The following ADIPOR1 variants were observed in gnomAD, a reference collection of about 807,000 sequenced individuals.
ADIPOR1 encodes adiponectin receptor 1.
Under a neutral mutation model 37.5 loss-of-function variants are expected in ADIPOR1, and 15 were observed. The ratio of observed to expected loss-of-function variants is 0.40; its 90% CI spans 0.27 to 0.62. The LOEUF (loss-of-function observed/expected upper bound fraction) is 0.62, where lower values mean the gene tolerates loss of function less well. Among genes scored for constraint, ADIPOR1 ranks in the 20% least tolerant of loss-of-function variants. The probability of loss-of-function intolerance (pLI) is 0.42; values close to 1 mark genes in which losing one functional copy is unlikely to be tolerated. For missense variants in ADIPOR1, 286 were observed against 478.0 expected (o/e 0.60, Z 3.75); for synonymous variants, 173 against 173.2 (o/e 1.00, Z 0.01).
At chr1:202,943,462 C>T (rs774713493) in intron 6 of ADIPOR1, among the ~76,000 whole-genome samples, 1 of 152,160 alleles carries the variant, frequency 6.6e-6, no homozygotes, top group Non-Finnish European at 1.5e-5. Flanking sequence ...ACTAAAATTA[C>T]TGTGCTTGCT....
chr1:202,947,485 G>A (rs1257805758), intron 3 of ADIPOR1, among the ~76,000 whole-genome samples: 1 of 151,890 alleles, frequency 6.6e-6, no homozygotes, highest in African/African-American at 2.4e-5. Flanking sequence ...TCGTGCCACT[G>A]CAGCTGGGAG....
chr1:202,954,991 A>G (rs934182565), intron 1 of ADIPOR1, among the ~76,000 whole-genome samples: 3 of 152,178 alleles, frequency 2.0e-5, no homozygotes, highest in Admixed American at 1.3e-4. Flanking sequence ...GTCCTAAAGC[A>G]AGACCAGTCT....
intron 3 of ADIPOR1, among the ~76,000 whole-genome samples, chr1:202,947,676 C>T (rs979577349): frequency 1.3e-5 from 2 of 152,114 alleles, no homozygotes; most frequent in African/African-American, 4.8e-5. Flanking sequence ...CATGTCTCAT[C>T]CCTCCCCCAA....
chr1:202,942,037 T>A lies in ADIPOR1; in HGVS notation c.987A>T (p.Lys329Asn), dbSNP rs1372979226. ...ARIPERFFPGKFDIWFQSHQI... is the reference protein window; with the variant it reads ...ARIPERFFPGNFDIWFQSHQI... ...ATTCATTTCTTACCCATATGTCAAA[T>A]TTTCCAGGAAAGAAGCGCTCAGGAA... The change falls in exon 7 of 8, where the codon AAA becomes AAT. Residue 329 changes from lysine (K) to asparagine (N), a missense_variant. Lys to Asn is a moderately conservative substitution (Grantham distance 94). Transcript: ENST00000340990. 6.2e-7 allele frequency: 1 copy of A among 1,611,650 alleles called. No individual in the cohort carries two copies. The highest frequency in any genetic ancestry group is 1.7e-5 in the Admixed American group (1 of 59,568).
rs192213644 is a variant in ADIPOR1 at position 202,944,531 on chromosome 1, C to T, written c.617+452G>A. On this transcript the variant is annotated intron_variant, in intron 5 of 7. Coordinates refer to ENST00000340990, the MANE Select transcript of ADIPOR1 (RefSeq NM_015999.6). The stretch of plus-strand genomic sequence containing the variant: ...ACGGCTGGGCAAGAGAGAAAGCACA[C>T]GATGATGGACATCTGGAGCTTCCAG... The T allele has an allele frequency of 1.1e-3, 165 of 154,468 alleles. 2 individuals carry two copies. The highest frequency in any genetic ancestry group is 2.7e-4 in the Non-Finnish European group (19 of 69,420). The allele number at this position is 154,468 out of a possible 1,614,324, so 9.6% of individuals were successfully genotyped here.
At chr1:202,956,065 T>A (rs1300860951) in intron 1 of ADIPOR1, among the ~76,000 whole-genome samples, 1 of 152,226 alleles carries the variant, frequency 6.6e-6, no homozygotes, top group Non-Finnish European at 1.5e-5. Flanking sequence ...CATGAGCCAC[T>A]GTGCCCGGCC....
chr1:202,957,321 C>T (rs558253999), intron 1 of ADIPOR1, among the ~76,000 whole-genome samples: 43 of 152,176 alleles, frequency 2.8e-4, no homozygotes, highest in Non-Finnish European at 5.3e-4. Flanking sequence ...ATTTTCTAGC[C>T]CGTCTTCTGA....
intron 6 of ADIPOR1, among the ~76,000 whole-genome samples, chr1:202,942,829 A>C (rs1469037161): frequency 6.6e-6 from 1 of 151,706 alleles, no homozygotes; most frequent in Non-Finnish European, 1.5e-5. Context: ...GTGCTTGATA[A>C]ATATTTAATT....
At chr1:202,951,304 T>C (rs1027858592) in intron 1 of ADIPOR1, 140 bp from the exon 2 acceptor site, 9 of 516,814 alleles carry the variant, frequency 1.7e-5, no homozygotes, top group Admixed American at 6.9e-5. Flanking sequence ...TTAAATGAAA[T>C]CTATTCCTGT....
At chr1:202,944,883 C>G (rs1228166516) in intron 5 of ADIPOR1, 100 bp downstream of exon 5, 9 of 1,199,506 alleles carry the variant, frequency 7.5e-6, no homozygotes, top group Non-Finnish European at 1.1e-5. Context: ...TATCAAGAAA[C>G]CTTTAGGAGT....
chr1:202,945,942 T>G (rs1654293825), intron 4 of ADIPOR1, among the ~76,000 whole-genome samples: 2 of 151,360 alleles, frequency 1.3e-5, no homozygotes, highest in South Asian at 4.2e-4. Flanking sequence ...ATGGGTGCAT[T>G]AAAATCTCAG....
intron 1 of ADIPOR1, among the ~76,000 whole-genome samples, 199 bp from the exon 2 acceptor site, chr1:202,951,363 G>A (rs748269181): frequency 1.3e-5 from 2 of 152,078 alleles, no homozygotes; most frequent in African/African-American, 4.8e-5. Flanking sequence ...TAATCTTATA[G>A]GTAAGGCTGA....
intron 5 of ADIPOR1, 185 bp downstream of exon 5, chr1:202,944,798 C>A: frequency 2.0e-6 from 1 of 498,452 alleles, no homozygotes; most frequent in Non-Finnish European, 3.6e-6. Flanking sequence ...TGCAGTAAGT[C>A]TGTTCATGAA....
intron 4 of ADIPOR1, among the ~76,000 whole-genome samples, chr1:202,946,026 T>TAA (rs1003834555): frequency 4.9e-5 from 6 of 122,786 alleles, no homozygotes; most frequent in Non-Finnish European, 8.3e-5. Context: ...GCTATTGAAA[T>TAA]AAAAAAAAAA....
At chr1:202,945,266 C>A (rs1054445316) in intron 4 of ADIPOR1, 97 bp from the exon 5 acceptor site, 36 of 1,094,340 alleles carry the variant, frequency 3.3e-5, no homozygotes, top group Non-Finnish European at 4.5e-5. Flanking sequence ...CAGGCAACAT[C>A]ACTAATCATC....
At chr1:202,950,056 A>C (rs1239846649) in intron 2 of ADIPOR1, among the ~76,000 whole-genome samples, 1 of 151,896 alleles carries the variant, frequency 6.6e-6, no homozygotes, top group Non-Finnish European at 1.5e-5. Context: ...TCTGCCTCCC[A>C]GATTCAAGCG....
At position 202,941,906 on chromosome 1, in the gene ADIPOR1, C is replaced by T. The variant is rs538040398; in HGVS notation, c.999+119G>A. ...TAATATTGATGATTTACCTTCAATGCACATATATGTACCTCCAAACACTAT... is the reference window on the plus strand; with the variant it reads ...TAATATTGATGATTTACCTTCAATGTACATATATGTACCTCCAAACACTAT... On this transcript the variant is annotated intron_variant, in intron 7 of 7. Coordinates refer to ENST00000340990, the MANE Select transcript of ADIPOR1 (RefSeq NM_015999.6). 3.8e-4 allele frequency: 466 copies of T among 1,214,240 alleles called. 9 individuals are homozygous for T. In the South Asian group the frequency reaches 6.7e-3, roughly 17 times the overall value. 75.2% of individuals were successfully genotyped at this position (1,214,240 alleles called of 1,614,324 possible). A position where few individuals can be genotyped will look rare whatever the true frequency, so the allele number is the denominator to read the frequency against.
intron 2 of ADIPOR1, 108 bp downstream of exon 2, chr1:202,950,822 G>A (rs1654546190): frequency 1.4e-5 from 20 of 1,414,404 alleles, no homozygotes; most frequent in Non-Finnish European, 2.0e-5. Flanking sequence ...GACATTTCCA[G>A]GATGCAATGT....
At chr1:202,944,855 A>G (rs1310565541) in intron 5 of ADIPOR1, 128 bp downstream of exon 5, 2 of 893,148 alleles carry the variant, frequency 2.2e-6, no homozygotes. Context: ...CACAGAACAG[A>G]GAGCCTTTCC....
Sources: allele counts gnomAD v4.1 joint callset (sites outside exome capture counted in the v4.1 genomes callset), GRCh38; gene constraint gnomAD v4.1.1; transcripts MANE v1.5; gene names NCBI Gene and HGNC (gene_info 2026-07-23, HGNC 2026-07-21).